MEMO1: variants seen among roughly 807,000 people sequenced by gnomAD.
MEMO1 encodes mediator of cell motility 1.
A neutral mutation model predicts 45.2 loss-of-function variants in MEMO1; 6 were observed. That is an observed-to-expected ratio of 0.13 (90% CI 0.07 to 0.26). MEMO1 has a LOEUF of 0.26. MEMO1 is among the 10% of genes least tolerant of loss of function. The pLI is 1.00. For synonymous variants in MEMO1, 78 were observed against 124.3 expected (o/e 0.63, Z 2.48); for missense variants, 184 against 370.5 (o/e 0.50, Z 4.13).
intron 2 of MEMO1, among the ~76,000 whole-genome samples, chr2:31,995,646 A>G (rs1486740623): frequency 6.6e-6 from 1 of 152,070 alleles, no homozygotes; most frequent in African/African-American, 2.4e-5. Flanking sequence ...GAACTGTGGG[A>G]GAATATTAAG....
At chr2:31,882,600 A>G (rs997090386) in intron 8 of MEMO1, among the ~76,000 whole-genome samples, 7 of 152,164 alleles carry the variant, frequency 4.6e-5, no homozygotes, top group African/African-American at 1.7e-4. Flanking sequence ...ATAAATTAAC[A>G]AAACAAAACA....
intron 2 of MEMO1, among the ~76,000 whole-genome samples, chr2:31,977,330 T>G (rs1037428676): frequency 2.0e-5 from 3 of 152,154 alleles, no homozygotes; most frequent in African/African-American, 7.2e-5. Context: ...TTCTCATGCT[T>G]GAAAAATATT....
At chr2:31,987,355 A>C (rs1380812627) in intron 2 of MEMO1, among the ~76,000 whole-genome samples, 2 of 152,196 alleles carry the variant, frequency 1.3e-5, no homozygotes, top group Non-Finnish European at 2.9e-5. Context: ...ACAAAAGACT[A>C]GGAAGGATAG....
chr2:31,959,651 A>C (rs554799124), intron 2 of MEMO1, among the ~76,000 whole-genome samples: 1 of 152,194 alleles, frequency 6.6e-6, no homozygotes, highest in African/African-American at 2.4e-5. Flanking sequence ...GCAAATGAAA[A>C]CTACTCCAAA....
chr2:31,893,438 T>A (rs1677245965), intron 6 of MEMO1: 1 of 845,520 alleles, frequency 1.2e-6, no homozygotes, highest in Non-Finnish European at 1.5e-6. Context: ...CTTCAATTAG[T>A]TAAGACTGAT....
At chr2:31,923,633 T>C (rs755381279) in intron 4 of MEMO1, 14 of 1,546,752 alleles carry the variant, frequency 9.1e-6, no homozygotes, top group Admixed American at 2.0e-5. Flanking sequence ...AGGTAGTATA[T>C]GAACCAAGAA....
intron 6 of MEMO1, among the ~76,000 whole-genome samples, chr2:31,894,686 G>C (rs1677490715): frequency 6.6e-6 from 1 of 152,170 alleles, no homozygotes; most frequent in South Asian, 2.1e-4. Context: ...GAGAGACCTA[G>C]CTCTCCACAC....
chr2:31,898,907 C>A (rs899338767), intron 6 of MEMO1, among the ~76,000 whole-genome samples: 4 of 152,270 alleles, frequency 2.6e-5, no homozygotes, highest in Admixed American at 2.6e-4. Context: ...GTATTGGGTG[C>A]AAATATATTT....
At chr2:31,955,208 AAAAC>A (rs1282639572) in intron 2 of MEMO1, among the ~76,000 whole-genome samples, 6 of 152,160 alleles carry the variant, frequency 3.9e-5, no homozygotes, top group Admixed American at 6.5e-5. Flanking sequence ...AAAAAAACAA[AAAAC>A]AAACAAACAA....
chr2:31,901,538 C>T (rs975679484), intron 6 of MEMO1, among the ~76,000 whole-genome samples: 3 of 151,948 alleles, frequency 2.0e-5, no homozygotes, highest in Non-Finnish European at 4.4e-5. Flanking sequence ...GAAAGCAAAT[C>T]AGTGGTTGTC....
chr2:31,978,449 A>G (rs1670263110), intron 2 of MEMO1, among the ~76,000 whole-genome samples: 1 of 152,224 alleles, frequency 6.6e-6, no homozygotes, highest in Admixed American at 6.5e-5. Flanking sequence ...AAAGGTTCAA[A>G]AAATGTTGGC....
intron 3 of MEMO1, among the ~76,000 whole-genome samples, chr2:31,939,744 T>C (rs1572748249): frequency 6.6e-6 from 1 of 152,180 alleles, no homozygotes; most frequent in African/African-American, 2.4e-5. Context: ...CTTCCCCTAC[T>C]GACTCACTTC....
chr2:31,878,142 C>A lies in MEMO1; in HGVS notation c.657+5244G>T, dbSNP rs531686910. Among the ~76,000 whole-genome samples, 12 of 152,200 alleles carry A rather than the reference C, an allele frequency of 7.9e-5. No individual in the cohort carries two copies. The South Asian group carries it at 2.5e-3, about 32-fold the overall frequency. On this transcript the variant is annotated intron_variant, in intron 8 of 9. Transcript: ENST00000404530. ...GTGAGAAGGTGAGAGCTAAGCAAAA[C>A]GGGCAAACGCCCTAAGCTAGGCAGA...
At chr2:32,009,081 T>C (rs975990204) in intron 2 of MEMO1, among the ~76,000 whole-genome samples, 1 of 152,122 alleles carries the variant, frequency 6.6e-6, no homozygotes, top group African/African-American at 2.4e-5. Flanking sequence ...GAAATGTGAC[T>C]CCTGAAAATA....
chr2:31,985,002 A>G (rs1245734250), intron 2 of MEMO1, among the ~76,000 whole-genome samples: 1 of 152,242 alleles, frequency 6.6e-6, no homozygotes, highest in Non-Finnish European at 1.5e-5. Context: ...ATTCTGTACT[A>G]TCTTTATAAC....
Position 31,868,368 on chromosome 2 carries a change from A to C in MEMO1, c.887T>G (p.Val296Gly), listed in dbSNP as rs1673166621. Residue 296 changes from valine (V) to glycine (G), a missense_variant, in exon 10 of 10, where the codon GTC (valine) becomes GGC (glycine). By Grantham distance (109) the Val-to-Gly change is moderately radical. Around this residue, in one of 3 missense-constraint regions of MEMO1, gnomAD observed 97 missense variants for 209.3 expected, o/e 0.46. Transcript: ENST00000404530. The part of the protein sequence containing the change: ...SVSYAAGALT[V>G]H ...CCCTGAGGATTCAGAGCTTCAGTGG[A>C]CCGTGAGTGCTCCAGCTGCATAACT... 1 of 1,547,754 alleles carries C rather than the reference A, an allele frequency of 6.5e-7. No individual in the cohort carries two copies. The highest frequency in any genetic ancestry group is 2.0e-5 in the Admixed American group (1 of 49,704).
chr2:31,992,395 GA>G (rs2148551862), intron 2 of MEMO1, among the ~76,000 whole-genome samples: 1 of 152,356 alleles, frequency 6.6e-6, no homozygotes, highest in East Asian at 1.9e-4. Context: ...CCTTTACAGA[GA>G]TAAGAGGTGT....
intron 2 of MEMO1, among the ~76,000 whole-genome samples, chr2:31,964,418 C>T (rs1015122675): frequency 6.6e-6 from 1 of 152,118 alleles, no homozygotes; most frequent in African/African-American, 2.4e-5. Context: ...CCGAGTAGGC[C>T]GGGTGCGGTG....
At chr2:31,913,255 A>G (rs932813048) in intron 6 of MEMO1, among the ~76,000 whole-genome samples, 1 of 151,292 alleles carries the variant, frequency 6.6e-6, no homozygotes, top group Non-Finnish European at 1.5e-5. Flanking sequence ...TCTCAAAAAA[A>G]AAAAAAAAAA....
Sources: allele counts gnomAD v4.1 joint callset (sites outside exome capture counted in the v4.1 genomes callset), GRCh38; gene constraint gnomAD v4.1.1; regional missense constraint gnomAD v4.1.1; transcripts MANE v1.5; gene names NCBI Gene and HGNC (gene_info 2026-07-23, HGNC 2026-07-21).